The following NUP210 variants were observed in gnomAD, a reference collection of about 807,000 sequenced individuals.
The protein encoded by NUP210 is nuclear pore membrane glycoprotein 210.
A neutral mutation model predicts 196.0 loss-of-function variants in NUP210; 151 were observed. The ratio of observed to expected loss-of-function variants is 0.77; its 90% CI spans 0.67 to 0.88. The LOEUF (loss-of-function observed/expected upper bound fraction) is 0.88, where lower values mean the gene tolerates loss of function less well. Among genes scored for constraint, NUP210 ranks in the 40% least tolerant of loss-of-function variants. The pLI is 0.00. For synonymous variants in NUP210, 1,070 were observed against 1,052.7 expected (o/e 1.02, Z -0.32); for missense variants, 2,314 against 2,493.7 (o/e 0.93, Z 1.53).
At chr3:13,392,352 T>C (rs1011714814) in intron 3 of NUP210, among the ~76,000 whole-genome samples, 3 of 152,236 alleles carry the variant, frequency 2.0e-5, no homozygotes, top group African/African-American at 7.2e-5. Context: ...TACAGTTCCC[T>C]GGGTGTCTTT....
intron 20 of NUP210, among the ~76,000 whole-genome samples, chr3:13,346,672 G>C (rs1214602627): frequency 6.6e-6 from 1 of 152,194 alleles, no homozygotes; most frequent in Non-Finnish European, 1.5e-5. Flanking sequence ...GCTTCCTGGA[G>C]CCCTGATCAC....
intron 6 of NUP210, among the ~76,000 whole-genome samples, chr3:13,385,493 C>T (rs1699242849): frequency 2.0e-5 from 3 of 152,234 alleles, no homozygotes; most frequent in African/African-American, 7.2e-5. Flanking sequence ...CACAGTACAA[C>T]TACACTCCTA....
chr3:13,336,647 G>A (rs1055006212), intron 27 of NUP210, 140 bp downstream of exon 27: 128 of 871,724 alleles, frequency 1.5e-4, no homozygotes, highest in Non-Finnish European at 1.7e-4. Flanking sequence ...CCTCGGGAGA[G>A]GGAAGAAAGT....
In NUP210 at chr3:13,335,588, A is replaced by G; in HGVS notation, c.3709T>C (p.Tyr1237His). 1 of 1,614,078 alleles carries G rather than the reference A, an allele frequency of 6.2e-7. No individual in the cohort carries two copies. Among genetic ancestry groups the G allele is most frequent in the Non-Finnish European group, 8.5e-7 (1 of 1,180,032 alleles). ...CCGAGCACGTTCATGGCAAAGTTGTACTGTGACGGGAGTCGGATCGACGCC... is the reference window on the plus strand; with the variant it reads ...CCGAGCACGTTCATGGCAAAGTTGTGCTGTGACGGGAGTCGGATCGACGCC... ...HEASIRLPSQ[Y>H]NFAMNVLGRV... Residue 1237 changes from tyrosine to histidine, a missense_variant, in exon 28 of 40, where the codon TAC becomes CAC. Transcript: ENST00000254508.
rs756348715 is a variant in NUP210, at chr3:13,343,212, G to A, written c.2927C>T (p.Ser976Leu). The A allele has an allele frequency of 4.3e-6, 7 of 1,613,886 alleles. No homozygotes were observed. The highest frequency in any genetic ancestry group is 3.3e-5 in the South Asian group (3 of 91,074). Residue 976 changes from serine to leucine, a missense_variant, in exon 21 of 40, where the codon TCG (serine) becomes TTG (leucine). Coordinates refer to ENST00000254508, the MANE Select transcript of NUP210 (RefSeq NM_024923.4). ...PAPAKAVVYV[S>L]DIQELYIRVV... ...ACGGATGTACAGCTCCTGAATGTCC[G>A]ACACGTAAACGACAGCCTTGGCTGG...
chr3:13,327,708 G>C (rs1271582745), intron 31 of NUP210, among the ~76,000 whole-genome samples: 1 of 152,172 alleles, frequency 6.6e-6, no homozygotes, highest in African/African-American at 2.4e-5. Context: ...CTGCATTTCA[G>C]AAAGGAAGCT....
chr3:13,367,563 C>G (rs1312783572), intron 13 of NUP210, among the ~76,000 whole-genome samples: 1 of 152,164 alleles, frequency 6.6e-6, no homozygotes, highest in Non-Finnish European at 1.5e-5. Context: ...CCCAGAATCT[C>G]CTGGAAACCC....
chr3:13,355,523 G>C (rs967822070), intron 16 of NUP210, among the ~76,000 whole-genome samples: 10 of 152,334 alleles, frequency 6.6e-5, no homozygotes, highest in Admixed American at 6.5e-4. Context: ...GTGAAGCTAC[G>C]GGATGTGGGC....
At chr3:13,397,771 C>T (rs906058960) in intron 2 of NUP210, among the ~76,000 whole-genome samples, 10 of 152,208 alleles carry the variant, frequency 6.6e-5, no homozygotes, top group Non-Finnish European at 1.5e-4. Context: ...TAGTTTCGTT[C>T]AGGGTGTAAG....
rs1476917693 is a variant in NUP210 at position 13,375,460 on chromosome 3, A to G, written c.1431+44T>C. 3 of 1,572,648 alleles carry G rather than the reference A, an allele frequency of 1.9e-6. No homozygotes were observed. The Admixed American group carries it at 5.3e-5, about 28-fold the overall frequency. ...ATGGACAAAAAGCCACAATCCCATG[A>G]AAACACCAAAGGAATGCACGCAGAG... On this transcript the variant is annotated intron_variant, in intron 11 of 39. Transcript: ENST00000254508.
intron 26 of NUP210, 72 bp from the exon 27 acceptor site, chr3:13,336,990 C>T: frequency 1.9e-6 from 3 of 1,586,694 alleles, no homozygotes; most frequent in African/African-American, 1.3e-5. Context: ...GCTTTGCTGC[C>T]TCCTTCAAGC....
At chr3:13,384,552 T>C (rs941110714) in intron 6 of NUP210, among the ~76,000 whole-genome samples, 1 of 152,138 alleles carries the variant, frequency 6.6e-6, no homozygotes, top group Non-Finnish European at 1.5e-5. Context: ...CTGGTCAACA[T>C]AGCAAGACCA....
chr3:13,379,571 CCAA>C lies in NUP210; in HGVS notation c.965_967del (p.Leu322_Gly323delinsArg). 1 of 1,614,158 alleles carries C rather than the reference CCAA, an allele frequency of 6.2e-7. No individual in the cohort carries two copies. Among genetic ancestry groups the C allele is most frequent in the Non-Finnish European group, 8.5e-7 (1 of 1,180,034 alleles). On this transcript the variant is annotated inframe_deletion, in exon 7 of 40. Coordinates refer to ENST00000254508, the MANE Select transcript of NUP210 (RefSeq NM_024923.4). The surrounding 1 kb of genome is among the most constrained non-coding windows in gnomAD (Gnocchi z 4.2). The stretch of plus-strand genomic sequence containing the variant: ...GCCCAAGAAAAGGATATTCCTGTGG[CCAA>C]GGACGAGGCTGCTCTGTCCCAGCTG...
Position 13,323,255 on chromosome 3 carries a change from C to G in NUP210, c.4768+54G>C. On this transcript the variant is annotated intron_variant, in intron 34 of 39. Coordinates refer to ENST00000254508, the MANE Select transcript of NUP210 (RefSeq NM_024923.4). The surrounding 1 kb of genome is among the most constrained non-coding windows in gnomAD (Gnocchi z 4.3). Reference sequence around the variant, plus strand: ...AACTCCATCCAGAGGACACAGGAAGCCACCTCCCCGCTCCCAGGTACTCTG... The same window carrying G: ...AACTCCATCCAGAGGACACAGGAAGGCACCTCCCCGCTCCCAGGTACTCTG... 2 of 1,607,662 alleles carry G rather than the reference C, an allele frequency of 1.2e-6. No homozygotes were observed. Among genetic ancestry groups the G allele is most frequent in the Non-Finnish European group, 1.7e-6 (2 of 1,176,256 alleles).
At chr3:13,330,418 A>G in intron 30 of NUP210, 42 bp downstream of exon 30, 3 of 1,587,656 alleles carry the variant, frequency 1.9e-6, no homozygotes, top group Non-Finnish European at 2.6e-6. Context: ...CCTCAGTGCT[A>G]TTGCTTTCAT....
intron 11 of NUP210, among the ~76,000 whole-genome samples, 188 bp from the exon 12 acceptor site, chr3:13,374,061 TCA>T (rs1239373269): frequency 4.2e-4 from 64 of 151,976 alleles, no homozygotes; most frequent in Admixed American, 3.0e-3. Flanking sequence ...GCCCATTCAC[TCA>T]CACACTCACC....
intron 1 of NUP210, among the ~76,000 whole-genome samples, chr3:13,414,060 C>A (rs896636986): frequency 2.0e-5 from 3 of 152,228 alleles, no homozygotes; most frequent in Non-Finnish European, 4.4e-5. Context: ...GTGCTCCCCA[C>A]TCTTCACAAC....
chr3:13,319,984 A>G lies in NUP210; in HGVS notation c.5167-5T>C. On this transcript the variant is annotated splice_region_variant and splice_polypyrimidine_tract_variant and intron_variant, in intron 36 of 39. Coordinates refer to ENST00000254508, the MANE Select transcript of NUP210 (RefSeq NM_024923.4). ...GGCCGGGGACCCGGATTTCACCTGGAAGAGACATCAGAGCTGGGGGTGCAC... is the reference window on the plus strand; with the variant it reads ...GGCCGGGGACCCGGATTTCACCTGGGAGAGACATCAGAGCTGGGGGTGCAC... The G allele has an allele frequency of 1.2e-6, 2 of 1,613,090 alleles. No individual in the cohort carries two copies. The highest frequency in any genetic ancestry group is 1.7e-6 in the Non-Finnish European group (2 of 1,179,936).
intron 1 of NUP210, among the ~76,000 whole-genome samples, chr3:13,405,754 C>A (rs1699984776): frequency 6.6e-6 from 1 of 152,108 alleles, no homozygotes; most frequent in Admixed American, 6.5e-5. Context: ...AACTGAGGCT[C>A]AGAGTGGTTA....
Sources: gnomAD v4.1 joint callset for allele counts (sites outside exome capture counted in the v4.1 genomes callset) on GRCh38, gnomAD v4.1.1 for gene constraint, Gnocchi (gnomAD v3.1) non-coding constraint, MANE v1.5 for transcripts, NCBI Gene and HGNC (gene_info 2026-07-23, HGNC 2026-07-21) for gene names.